Variants in RBM17 observed in about 807,000 individuals in gnomAD.
RBM17 encodes the protein splicing factor 45.
RBM17 carries 7 observed loss-of-function variants against 53.2 expected under a neutral mutation model. That is an observed-to-expected ratio of 0.13 (90% CI 0.07 to 0.25). The LOEUF is 0.25. Among genes scored for constraint, RBM17 ranks in the 10% least tolerant of loss-of-function variants. The pLI is 1.00. For synonymous variants in RBM17, 167 were observed against 178.1 expected, an observed-to-expected ratio of 0.94 and a Z score of 0.50; for missense variants, 257 against 496.7, an observed-to-expected ratio of 0.52 and a Z score of 4.59.
chr10:6,097,719 T>G (rs1297242076), intron 2 of RBM17, among the ~76,000 whole-genome samples: 5 of 152,206 alleles, frequency 3.3e-5, no homozygotes, highest in Admixed American at 2.6e-4. Flanking sequence ...GAACCAGCAG[T>G]GACACTGCTT....
intron 1 of RBM17, among the ~76,000 whole-genome samples, chr10:6,091,487 G>A (rs557334981): frequency 6.2e-4 from 95 of 152,282 alleles, no homozygotes; most frequent in African/African-American, 1.9e-3. Flanking sequence ...ACCTTGACTC[G>A]TTATTGGTTG....
intron 7 of RBM17, among the ~76,000 whole-genome samples, chr10:6,111,541 T>C (rs1051235707): frequency 1.3e-4 from 20 of 152,208 alleles, no homozygotes; most frequent in African/African-American, 4.1e-4. Flanking sequence ...GGTTTCACCA[T>C]GTTGGCCAGG....
chr10:6,095,408 T>A (rs898281678), intron 1 of RBM17, among the ~76,000 whole-genome samples: 1 of 152,110 alleles, frequency 6.6e-6, no homozygotes, highest in African/African-American at 2.4e-5. Flanking sequence ...AGACAGGTTT[T>A]CACCGTGTTG....
At chr10:6,094,180 G>A (rs547551499) in intron 1 of RBM17, among the ~76,000 whole-genome samples, 87 of 151,934 alleles carry the variant, frequency 5.7e-4, no homozygotes, top group African/African-American at 2.1e-3. Flanking sequence ...GGGTTTCACC[G>A]TGTTAGCCAG....
chr10:6,102,147 G>T (rs1276802487), intron 3 of RBM17, among the ~76,000 whole-genome samples: 1 of 152,208 alleles, frequency 6.6e-6, no homozygotes, highest in Non-Finnish European at 1.5e-5. Context: ...TTCAAATAAT[G>T]ACTGTGGTCA....
intron 4 of RBM17, 93 bp downstream of exon 4, chr10:6,105,190 GTTAA>G: frequency 8.4e-7 from 1 of 1,187,072 alleles, no homozygotes; most frequent in Non-Finnish European, 1.2e-6. Context: ...TAAGGCTGAA[GTTAA>G]TTGTCATGGG....
At chr10:6,090,809 T>A (rs1156703240) in intron 1 of RBM17, among the ~76,000 whole-genome samples, 1 of 151,794 alleles carries the variant, frequency 6.6e-6, no homozygotes, top group African/African-American at 2.4e-5. Flanking sequence ...GAGGGTGGGA[T>A]TGAATGGAAA....
intron 7 of RBM17, among the ~76,000 whole-genome samples, chr10:6,111,987 A>G (rs1840845320): frequency 6.6e-6 from 1 of 152,208 alleles, no homozygotes; most frequent in African/African-American, 2.4e-5. Context: ...CTCCAAGACA[A>G]CAGGATGTTC....
chr10:6,113,713 T>A (rs1002383551), intron 9 of RBM17, 132 bp downstream of exon 9: 3 of 672,300 alleles, frequency 4.5e-6, no homozygotes, highest in Non-Finnish European at 2.6e-6. Context: ...AGATCCCACG[T>A]AAGGCTGATT....
chr10:6,114,486 AC>A, intron 10 of RBM17: 1 of 246,654 alleles, frequency 4.1e-6, no homozygotes, highest in Non-Finnish European at 8.1e-6. Context: ...CATGCACTGC[AC>A]TGTGCGGAGA....
rs1840447272 is a variant in RBM17 at position 6,089,504 on chromosome 10, T to C, written c.-19+311T>C. The C allele has an allele frequency of 6.5e-6, 1 of 153,160 alleles. No homozygotes were observed. Among genetic ancestry groups the C allele is most frequent in the African/African-American group, 2.4e-5 (1 of 41,472 alleles). 9.5% of individuals were successfully genotyped at this position (153,160 alleles called of 1,614,324 possible). ...GCTGTTTGGTGCTGAAGAGCGTTTC[T>C]TCTCCGTCTCGTGCACCGCATCCTG... On this transcript the variant is annotated intron_variant, in intron 1 of 11. Transcript: ENST00000379888. The surrounding 1 kb of genome is among the most constrained non-coding windows in gnomAD (Gnocchi z 5.6).
intron 7 of RBM17, among the ~76,000 whole-genome samples, chr10:6,110,427 C>G (rs1215347575): frequency 6.6e-6 from 1 of 152,164 alleles, no homozygotes; most frequent in East Asian, 1.9e-4. Context: ...AATAAAATAG[C>G]TCATATGAAT....
At chr10:6,113,992 G>C in intron 9 of RBM17, 57 bp from the exon 10 acceptor site, 2 of 1,094,972 alleles carry the variant, frequency 1.8e-6, no homozygotes, top group Admixed American at 1.8e-5. Context: ...ATATACCTCT[G>C]CTAGGTGTTT....
intron 3 of RBM17, among the ~76,000 whole-genome samples, chr10:6,103,234 C>G (rs1010297253): frequency 2.0e-5 from 3 of 152,204 alleles, no homozygotes; most frequent in Non-Finnish European, 4.4e-5. Flanking sequence ...ACAGTATCAC[C>G]TCAGGCATAT....
chr10:6,109,544 C>T (rs555240383), intron 6 of RBM17, among the ~76,000 whole-genome samples: 6 of 152,176 alleles, frequency 3.9e-5, no homozygotes, highest in Non-Finnish European at 7.4e-5. Flanking sequence ...CGCTCCAGTG[C>T]GTAGCCCCTA....
At chr10:6,094,652 T>A (rs916741013) in intron 1 of RBM17, among the ~76,000 whole-genome samples, 7 of 152,240 alleles carry the variant, frequency 4.6e-5, no homozygotes, top group African/African-American at 1.7e-4. Context: ...AGCTGGACAC[T>A]CAGCATGGTT....
At position 6,108,695 on chromosome 10, in the gene RBM17, G is replaced by T; in HGVS notation, c.515G>T (p.Gly172Val). 6.2e-7 allele frequency: 1 copy of T among 1,612,332 alleles called. No individual in the cohort carries two copies. The change falls in exon 6 of 12, where the codon GGA becomes GTA. Residue 172 changes from glycine to valine, a missense_variant. By Grantham distance (109) the Gly-to-Val change is moderately radical (BLOSUM62 -3). This residue lies in a region of RBM17 where 127 missense variants were observed against 217.2 expected (regional missense o/e 0.58). Coordinates refer to ENST00000379888, the MANE Select transcript of RBM17 (RefSeq NM_032905.5). ...ERERRKRSMG[G>V]AAIAPPTSLV... ...ATTTGTGGTTTTGCAGGTATGGGCG[G>T]AGCTGCCATTGCCCCACCCACTTCT...
chr10:6,106,086 C>A, intron 4 of RBM17, 55 bp from the exon 5 acceptor site: 2 of 1,231,616 alleles, frequency 1.6e-6, no homozygotes, highest in South Asian at 1.2e-5. Flanking sequence ...ATCCCAGGTT[C>A]AGGTCTCTAA....
At chr10:6,092,234 C>G (rs531855717) in intron 1 of RBM17, among the ~76,000 whole-genome samples, 13 of 152,214 alleles carry the variant, frequency 8.5e-5, no homozygotes, top group African/African-American at 2.4e-4. Context: ...TTTTTGTTAC[C>G]TGGCAGCAGA....
Sources: gnomAD v4.1 joint callset for allele counts (sites outside exome capture counted in the v4.1 genomes callset) on GRCh38, gnomAD v4.1.1 for gene constraint, gnomAD v4.1.1 regional missense constraint, Gnocchi (gnomAD v3.1) non-coding constraint, MANE v1.5 for transcripts, NCBI Gene and HGNC (gene_info 2026-07-23, HGNC 2026-07-21) for gene names.